The following LRRC27 variants were observed in gnomAD, a reference collection of about 807,000 sequenced individuals.
The protein encoded by LRRC27 is leucine-rich repeat-containing protein 27.
In LRRC27, 57 loss-of-function variants were observed where a neutral mutation model predicts 55.0. That is an observed-to-expected ratio of 1.04 (90% confidence interval 0.84 to 1.29). LRRC27 has a LOEUF of 1.29. Ranked by LOEUF, LRRC27 falls within the 50% of genes most tolerant of loss-of-function variation. LRRC27 has a pLI of 0.00. For missense variants in LRRC27, 721 were observed against 651.5 expected, an observed-to-expected ratio of 1.11 and a Z score of -1.16; for synonymous variants, 278 against 251.9, an observed-to-expected ratio of 1.10 and a Z score of -0.98.
intron 3 of LRRC27, among the ~76,000 whole-genome samples, chr10:132,338,602 C>T (rs7911982): frequency 2.0e-5 from 3 of 151,876 alleles, no homozygotes; most frequent in Non-Finnish European, 2.9e-5. Flanking sequence ...ACTATGGAGA[C>T]GTCCTCCTTT....
intron 2 of LRRC27, 156 bp from the exon 3 acceptor site, chr10:132,337,409 A>G (rs1249494678): frequency 7.0e-7 from 1 of 1,419,150 alleles, no homozygotes; most frequent in Non-Finnish European, 9.2e-7. Flanking sequence ...TCTACTGTTT[A>G]CATCTTTTAA....
intron 3 of LRRC27, among the ~76,000 whole-genome samples, chr10:132,341,303 G>C (rs539579771): frequency 1.3e-5 from 2 of 151,514 alleles, no homozygotes; most frequent in African/African-American, 4.8e-5. Flanking sequence ...CCCAGGAGGC[G>C]GAGGTTGCAG....
chr10:132,337,738 G>T (rs768216510), intron 3 of LRRC27, 43 bp downstream of exon 3: 1 of 1,602,476 alleles, frequency 6.2e-7, no homozygotes, highest in African/African-American at 1.3e-5. Context: ...CATCTTTTCA[G>T]TGCACGAGTG....
chr10:132,360,964 G>C (rs1434526708), intron 8 of LRRC27, among the ~76,000 whole-genome samples: 2 of 152,216 alleles, frequency 1.3e-5, no homozygotes, highest in Non-Finnish European at 2.9e-5. Context: ...AGCAGCACTG[G>C]TCACGCCGCC....
rs535856036 is a variant in LRRC27, at chr10:132,355,838, G to C, written c.1122G>C (p.Arg374Ser). The C allele has an allele frequency of 9.0e-6, 14 of 1,558,664 alleles. No homozygotes were observed. In the African/African-American group the frequency reaches 1.9e-4, roughly 21 times the overall value. ...GGAGAGAGCGAGCCCAGAGGATGAG[G>C]AAGAGGAAGGAAGAGCTCAGCAAAC... ...QEWRERAQRM[R>S]KRKEELSKLL... is the part of the protein sequence containing the mutation. Residue 374 changes from arginine (R) to serine (S), a missense_variant, in exon 8 of 11, where the codon AGG (arginine) becomes AGC (serine). Physicochemically the swap from Arg to Ser is moderately radical, Grantham distance 110. Coordinates refer to ENST00000368614, the MANE Select transcript of LRRC27 (RefSeq NM_030626.3).
At position 132,348,259 on chromosome 10, in the gene LRRC27, G is replaced by A. The variant is rs145852868; in HGVS notation, c.829G>A (p.Val277Ile). ...GATTGTTGAGCACGTGAAGGCAGAC[G>A]TTCTGGGAGATCAGCTCTTGACGAG... ...QEIVEHVKAD[V>I]LGDQLLTREL... Residue 277 changes from valine (V) to isoleucine (I), a missense_variant, in exon 6 of 11, where the codon GTT becomes ATT. Transcript: ENST00000368614. This position sits in a 1 kb window ranked among gnomAD's most constrained non-coding sequence, Gnocchi z 4.2. 413 of 1,613,960 alleles carry A rather than the reference G, an allele frequency of 2.6e-4. 1 individual carries two copies. The highest frequency in any genetic ancestry group is 4.0e-4 in the East Asian group (18 of 44,898).
chr10:132,376,594 T>C lies in LRRC27; in HGVS notation c.*1352T>C, dbSNP rs1178057233. 6.6e-6 allele frequency: 1 copy of C among 152,408 alleles called. No homozygotes were observed. The highest frequency in any genetic ancestry group is 2.4e-5 in the African/African-American group (1 of 41,478). 9.4% of individuals were successfully genotyped at this position (152,408 alleles called of 1,614,324 possible). A position where few individuals can be genotyped will look rare whatever the true frequency, so the allele number is the denominator to read the frequency against. On this transcript the variant is annotated 3_prime_UTR_variant, in exon 11 of 11. Transcript: ENST00000368614. ...CTCTCCTCTGAAGGTTTAACTGGGCTTGGGGCTCAGCTTCCAAGGTGCTCA... is the reference window on the plus strand; with the variant it reads ...CTCTCCTCTGAAGGTTTAACTGGGCCTGGGGCTCAGCTTCCAAGGTGCTCA...
chr10:132,332,734 C>A (rs1205260290), intron 1 of LRRC27, among the ~76,000 whole-genome samples: 1 of 147,912 alleles, frequency 6.8e-6, no homozygotes, highest in Non-Finnish European at 1.5e-5. Context: ...CCTCTACCCC[C>A]CAATTAACTG....
chr10:132,362,138 C>G (rs987852736), intron 9 of LRRC27, among the ~76,000 whole-genome samples: 1 of 152,150 alleles, frequency 6.6e-6, no homozygotes, highest in Non-Finnish European at 1.5e-5. Context: ...CAGCCAGAAC[C>G]GAGAAGCTGT....
intron 9 of LRRC27, among the ~76,000 whole-genome samples, chr10:132,364,415 G>GCGCTTACACCCA (rs2068841858): frequency 4.3e-4 from 3 of 7,004 alleles, no homozygotes; most frequent in Non-Finnish European, 9.9e-4. Flanking sequence ...CTCCACACCC[G>GCGCTTACACCCA]CGCTTACACC....
intron 9 of LRRC27, among the ~76,000 whole-genome samples, chr10:132,362,708 T>C: frequency 2.0e-5 from 1 of 50,296 alleles, no homozygotes; most frequent in African/African-American, 8.9e-5. Flanking sequence ...CCCTCTCACC[T>C]CACAGCAGCT....
intron 7 of LRRC27, among the ~76,000 whole-genome samples, chr10:132,352,047 CTG>C (rs1564839685): frequency 7.7e-5 from 10 of 129,418 alleles, no homozygotes; most frequent in Admixed American, 1.5e-4. Context: ...GGGGCAGGCG[CTG>C]AGGCCTCCGT....
At chr10:132,333,314 CT>C (rs10690076) in intron 1 of LRRC27, among the ~76,000 whole-genome samples, 162 bp from the exon 2 acceptor site, 55,476 of 149,092 alleles carry the variant, frequency 0.37, 10,495 homozygotes, top group East Asian at 0.49. Flanking sequence ...CTTTGTATTC[CT>C]TTTTTTTTTT....
At chr10:132,349,978 C>G (rs2067925979) in intron 6 of LRRC27, among the ~76,000 whole-genome samples, 1 of 152,186 alleles carries the variant, frequency 6.6e-6, no homozygotes, top group African/African-American at 2.4e-5. Flanking sequence ...AGAAGAAGCT[C>G]TAAGATTATG....
At chr10:132,364,569 G>GCT (rs1564854110) in intron 9 of LRRC27, among the ~76,000 whole-genome samples, 1 of 5,996 alleles carries the variant, frequency 1.7e-4, no homozygotes, top group Non-Finnish European at 3.6e-4. Flanking sequence ...TTACACCCAC[G>GCT]TCCACACCCT....
At chr10:132,331,790 C>A, upstream of LRRC27, 1 of 1,605,298 alleles carries the variant, frequency 6.2e-7, no homozygotes, top group Non-Finnish European at 8.5e-7. Flanking sequence ...CAGACCCTCG[C>A]GGTCTCTACT....
At position 132,375,595 on chromosome 10, in the gene LRRC27, A is replaced by G; in HGVS notation, c.*353A>G. ...ACTCACAGCTTTCCTTCACTTAGTT[A>G]TTTGAGTGTGGGAGAGGAGACCAGG... On this transcript the variant is annotated 3_prime_UTR_variant, in exon 11 of 11. Coordinates refer to ENST00000368614, the MANE Select transcript of LRRC27 (RefSeq NM_030626.3). The G allele has an allele frequency of 5.7e-6, 1 of 175,886 alleles. No individual in the cohort carries two copies. The highest frequency in any genetic ancestry group is 1.2e-5 in the Non-Finnish European group (1 of 83,556). 10.9% of individuals were successfully genotyped at this position (175,886 alleles called of 1,614,324 possible). A position where few individuals can be genotyped will look rare whatever the true frequency, so the allele number is the denominator to read the frequency against.
Position 132,379,478 on chromosome 10 carries a change from C to G in LRRC27, c.*4236C>G, listed in dbSNP as rs2069384300. The G allele has an allele frequency of 6.6e-6, 1 of 152,432 alleles. No individual in the cohort carries two copies. The highest frequency in any genetic ancestry group is 2.4e-5 in the African/African-American group (1 of 41,436). 9.4% of individuals were successfully genotyped at this position (152,432 alleles called of 1,614,324 possible). ...CCTCTCCAGAGTTTCCTCTCACCTC[C>G]GTGTTCTCGTTCTCATCTCTGCCGG... On this transcript the variant is annotated 3_prime_UTR_variant, in exon 11 of 11. Transcript: ENST00000368614.
At chr10:132,336,992 A>T in intron 2 of LRRC27, 1 of 896,430 alleles carries the variant, frequency 1.1e-6, no homozygotes, top group Non-Finnish European at 1.6e-6. Context: ...TCACGACTTT[A>T]CAACGCCACC....
Sources: allele counts gnomAD v4.1 joint callset (sites outside exome capture counted in the v4.1 genomes callset), GRCh38; gene constraint gnomAD v4.1.1; non-coding constraint Gnocchi (gnomAD v3.1); transcripts MANE v1.5; gene names NCBI Gene and HGNC (gene_info 2026-07-23, HGNC 2026-07-21).